The following DSG1 variants were observed in gnomAD, a reference collection of about 807,000 sequenced individuals.
DSG1 encodes the protein desmoglein-1.
DSG1 carries 39 observed loss-of-function variants against 97.5 expected under a neutral mutation model. That is an observed-to-expected ratio of 0.40 (90% CI 0.31 to 0.52). DSG1 has a LOEUF of 0.52. Among genes scored for constraint, DSG1 ranks in the 20% least tolerant of loss-of-function variants. The pLI is 0.53. For synonymous variants in DSG1, 475 were observed against 443.4 expected (o/e 1.07, Z -0.90); for missense variants, 1,311 against 1,295.4 (o/e 1.01, Z -0.18).
chr18:31,330,711 T>TA (rs1373809255), intron 5 of DSG1, among the ~76,000 whole-genome samples: 16 of 152,262 alleles, frequency 1.1e-4, no homozygotes, highest in African/African-American at 3.6e-4. Context: ...ATAAATCACA[T>TA]GTTTTTTAAC....
chr18:31,319,287 G>A (rs368522785), intron 1 of DSG1, among the ~76,000 whole-genome samples: 81 of 152,320 alleles, frequency 5.3e-4, no homozygotes, highest in African/African-American at 1.9e-3. Flanking sequence ...CAGCTTGGCA[G>A]GATGTATAGT....
At chr18:31,342,548 T>C (rs1041441030) in intron 11 of DSG1, among the ~76,000 whole-genome samples, 2 of 152,144 alleles carry the variant, frequency 1.3e-5, no homozygotes, top group African/African-American at 4.8e-5. Context: ...CAAGATTAGA[T>C]TATATAAGAG....
intron 14 of DSG1, among the ~76,000 whole-genome samples, chr18:31,347,477 A>G (rs1200561359): frequency 6.6e-6 from 1 of 152,160 alleles, no homozygotes; most frequent in African/African-American, 2.4e-5. Flanking sequence ...GAACAGCTGT[A>G]TCTGGTATTG....
rs1380124712 is a variant in DSG1 at position 31,333,603 on chromosome 18, T to C, written c.699T>C (p.Tyr233=). The change falls in exon 7 of 15, where the codon TAT becomes TAC. Residue 233 remains tyrosine (Y), a synonymous_variant. Transcript: ENST00000257192. ...NFLDREQYGQ[Y]ALAVRGSDRD... ...TGTATTTTTAGCAATACGGCCAGTA[T>C]GCTCTTGCTGTAAGAGGCTCTGACC... 6.2e-7 allele frequency: 1 copy of C among 1,613,918 alleles called. No homozygotes were observed. Among genetic ancestry groups the C allele is most frequent in the South Asian group, 1.1e-5 (1 of 91,076 alleles).
rs946952164 is a variant in DSG1, at chr18:31,355,024, T to C, written c.2828T>C (p.Leu943Ser). 19 of 1,614,210 alleles carry C rather than the reference T, an allele frequency of 1.2e-5. No individual in the cohort carries two copies. The Middle Eastern group carries it at 2.5e-3, about 210-fold the overall frequency. ...MIGSLSMHPE[L>S]ANAHNVIVTE... ...GGTAGTCTGAGTATGCACCCCGAGT[T>C]AGCCAATGCCCACAATGTCATTGTG... The change falls in exon 15 of 15, where the codon TTA becomes TCA. Residue 943 changes from leucine (L) to serine (S), a missense_variant. Leu to Ser is a moderately radical substitution (Grantham distance 145). Coordinates refer to ENST00000257192, the MANE Select transcript of DSG1 (RefSeq NM_001942.4).
chr18:31,330,157 C>T, intron 5 of DSG1, 121 bp downstream of exon 5: 1 of 1,254,764 alleles, frequency 8.0e-7, no homozygotes, highest in East Asian at 2.5e-5. Flanking sequence ...TGCAGAATAG[C>T]AAGTCTTTCC....
intron 11 of DSG1, among the ~76,000 whole-genome samples, chr18:31,340,721 G>A (rs16959854): frequency 0.016 from 2,471 of 152,258 alleles, 72 homozygotes; most frequent in African/African-American, 0.056. Flanking sequence ...AAAGTACTGC[G>A]ATGAAGAACT....
chr18:31,352,602 T>C lies in DSG1; in HGVS notation c.2101-1695T>C, dbSNP rs1002141544. On this transcript the variant is annotated intron_variant, in intron 14 of 14. Transcript: ENST00000257192. The stretch of plus-strand genomic sequence containing the variant: ...TTCCATTCTCCCCATCACTTTTAGG[T>C]ACACCAATCAGACGTAGATTTGGTC... Among the ~76,000 whole-genome samples the C allele has an allele frequency of 1.9e-4, 28 of 149,968 alleles. 1 individual carries two copies. The highest frequency in any genetic ancestry group is 6.6e-4 in the African/African-American group (26 of 39,338).
In DSG1 at chr18:31,343,495, G is replaced by A. The variant is rs369362154; in HGVS notation, c.1733G>A (p.Arg578His). ...MICCDCGGAP[R>H]SAAGFEPVPE... ...TGTTGTGATTGTGGAGGTGCTCCTC[G>A]TAGTGCAGCTGGCTTTGAGCCTGTT... The change falls in exon 12 of 15, where the codon CGT (arginine) becomes CAT (histidine). Residue 578 changes from arginine to histidine, a missense_variant. Transcript: ENST00000257192. 44 of 1,613,968 alleles carry A rather than the reference G, an allele frequency of 2.7e-5. No individual in the cohort carries two copies. Among genetic ancestry groups the A allele is most frequent in the East Asian group, 4.5e-5 (2 of 44,878 alleles).
chr18:31,319,315 T>C (rs1292031602), intron 1 of DSG1, among the ~76,000 whole-genome samples: 1 of 152,218 alleles, frequency 6.6e-6, no homozygotes, highest in East Asian at 1.9e-4. Context: ...TTCACATTTG[T>C]TTCTACTTGC....
chr18:31,344,064 T>C (rs1348067729), intron 13 of DSG1, 69 bp downstream of exon 13: 14 of 1,155,438 alleles, frequency 1.2e-5, no homozygotes, highest in Non-Finnish European at 2.6e-6. Flanking sequence ...TCTTTGATTA[T>C]TGTTTTTTAA....
intron 10 of DSG1, among the ~76,000 whole-genome samples, chr18:31,339,268 GA>G (rs1250790065): frequency 6.6e-6 from 1 of 151,676 alleles, no homozygotes; most frequent in African/African-American, 2.4e-5. Flanking sequence ...AAATACAAAA[GA>G]ATACTTATAG....
At position 31,358,662 on chromosome 18, in the gene DSG1, C is replaced by T. The variant is rs774597536; in HGVS notation, c.*3316C>T. Among the ~76,000 whole-genome samples the T allele has an allele frequency of 2.0e-4, 30 of 152,038 alleles. No individual in the cohort carries two copies. Among genetic ancestry groups the T allele is most frequent in the Admixed American group, 5.9e-4 (9 of 15,262 alleles). ...AGTTGAAAGGCATTATAATCTTTAG[C>T]ATAAATGGCCATGACTATTTTGGAA... On this transcript the variant is annotated 3_prime_UTR_variant, in exon 15 of 15. Coordinates refer to ENST00000257192, the MANE Select transcript of DSG1 (RefSeq NM_001942.4).
intron 14 of DSG1, among the ~76,000 whole-genome samples, chr18:31,353,387 G>A (rs1445866251): frequency 1.3e-5 from 2 of 150,728 alleles, no homozygotes; most frequent in Non-Finnish European, 1.5e-5. Flanking sequence ...GTCAGACAGG[G>A]ACATTTAAGT....
In DSG1 at chr18:31,354,919, C is replaced by T. The variant is rs992648350; in HGVS notation, c.2723C>T (p.Ser908Phe). The change falls in exon 15 of 15, where the codon TCT becomes TTT. Residue 908 changes from serine to phenylalanine, a missense_variant. Transcript: ENST00000257192. ...GCACCAAGCTCTAGTCTACCCACCT[C>T]TCTGACTATCCATCATCCTAGAGAG... ...VIAPSSSLPT[S>F]LTIHHPRESS... The T allele has an allele frequency of 6.2e-7, 1 of 1,614,238 alleles. No homozygotes were observed. The highest frequency in any genetic ancestry group is 8.5e-7 in the Non-Finnish European group (1 of 1,180,048).
At position 31,339,955 on chromosome 18, in the gene DSG1, G is replaced by A; in HGVS notation, c.1617G>A (p.Leu539=). ...AACCCGGAAACGGAGCCAAAGATTT[G>A]TTATCAGACAATGTACATTTTGGTC... ...SSEPGNGAKD[L]LSDNVHFGPA... The change falls in exon 11 of 15, where the codon TTG becomes TTA. Residue 539 remains leucine, a synonymous_variant. Transcript: ENST00000257192. 1 of 1,614,056 alleles carries A rather than the reference G, an allele frequency of 6.2e-7. No individual in the cohort carries two copies. Among genetic ancestry groups the A allele is most frequent in the Non-Finnish European group, 8.5e-7 (1 of 1,179,986 alleles).
rs9946148 is a variant in DSG1, at chr18:31,338,122, A to G, written c.1266-193A>G. Among the ~76,000 whole-genome samples, 27,773 of 152,026 alleles carry G rather than the reference A, an allele frequency of 0.18. 4,529 individuals carry two copies. Among genetic ancestry groups the G allele is most frequent in the African/African-American group, 0.44 (18,225 of 41,414 alleles). The stretch of plus-strand genomic sequence containing the variant: ...GGGTGCTCAGTAATTTTTTTTTCTT[A>G]AATGTAAATCTTGATATATCCCTGA... On this transcript the variant is annotated intron_variant, in intron 9 of 14. Transcript: ENST00000257192.
chr18:31,346,761 C>T (rs1391894552), intron 14 of DSG1, among the ~76,000 whole-genome samples: 2 of 152,188 alleles, frequency 1.3e-5, no homozygotes, highest in African/African-American at 2.4e-5. Flanking sequence ...TTTATAGAAC[C>T]TATCATTGCT....
chr18:31,327,154 C>A lies in DSG1; in HGVS notation c.216+149C>A, dbSNP rs1302171521. The A allele has an allele frequency of 2.8e-6, 3 of 1,088,420 alleles. No homozygotes were observed. The East Asian group carries it at 7.7e-5, about 28-fold the overall frequency. The allele number at this position is 1,088,420 out of a possible 1,614,324, so 67.4% of individuals were successfully genotyped here. On this transcript the variant is annotated intron_variant, in intron 3 of 14. Coordinates refer to ENST00000257192, the MANE Select transcript of DSG1 (RefSeq NM_001942.4). The stretch of plus-strand genomic sequence containing the variant: ...GTCACCTAGATGATGAAAACTGAAA[C>A]TCATAAGGAGAAATTAAGAAATGCA...
Sources: allele counts gnomAD v4.1 joint callset (sites outside exome capture counted in the v4.1 genomes callset), GRCh38; gene constraint gnomAD v4.1.1; transcripts MANE v1.5; gene names NCBI Gene and HGNC (gene_info 2026-07-23, HGNC 2026-07-21).